Variants in DLG2 observed in about 807,000 individuals in gnomAD.
The protein encoded by DLG2 is disks large homolog 2.
Under a neutral mutation model 132.5 loss-of-function variants are expected in DLG2, and 45 were observed. The ratio of observed to expected loss-of-function variants is 0.34; its 90% CI spans 0.27 to 0.44. The LOEUF (loss-of-function observed/expected upper bound fraction) is 0.44, where lower values mean the gene tolerates loss of function less well. Among genes scored for constraint, DLG2 ranks in the 20% least tolerant of loss-of-function variants. The pLI, the probability that DLG2 is intolerant of heterozygous loss-of-function variation, is 1.00. For synonymous variants in DLG2, 424 were observed against 419.6 expected (o/e 1.01, Z -0.13); for missense variants, 1,045 against 1,196.9 (o/e 0.87, Z 1.87).
chr11:85,500,552 A>T (rs2093776283), intron 3 of DLG2, among the ~76,000 whole-genome samples: 1 of 3,962 alleles, frequency 2.5e-4, no homozygotes, highest in African/African-American at 6.9e-4. Flanking sequence ...AAAAAAAATA[A>T]AAATAAAATA....
At chr11:84,172,474 C>G (rs976738752) in intron 8 of DLG2, among the ~76,000 whole-genome samples, 2 of 152,022 alleles carry the variant, frequency 1.3e-5, no homozygotes, top group African/African-American at 4.8e-5. Context: ...ATCATAGCTT[C>G]TACCACATAA....
chr11:84,990,306 C>T (rs569464357), intron 6 of DLG2, among the ~76,000 whole-genome samples: 1 of 152,178 alleles, frequency 6.6e-6, no homozygotes, highest in African/African-American at 2.4e-5. Flanking sequence ...AAACTTAATC[C>T]CCAGTGCAAT....
At chr11:84,805,608 C>T (rs2075905303) in intron 6 of DLG2, among the ~76,000 whole-genome samples, 1 of 152,010 alleles carries the variant, frequency 6.6e-6, no homozygotes, top group Non-Finnish European at 1.5e-5. Context: ...AAGTGTGTAG[C>T]CTCCCCCCAT....
At chr11:84,640,969 A>T (rs1372108898) in intron 6 of DLG2, among the ~76,000 whole-genome samples, 1 of 151,730 alleles carries the variant, frequency 6.6e-6, no homozygotes, top group Non-Finnish European at 1.5e-5. Context: ...AAAAAACAAA[A>T]AAAAAACAAC....
intron 8 of DLG2, among the ~76,000 whole-genome samples, chr11:84,166,639 C>T (rs560418773): frequency 1.7e-4 from 26 of 151,924 alleles, no homozygotes; most frequent in Admixed American, 1.4e-3. Context: ...ATACTTATTT[C>T]GACTTTATTT....
intron 16 of DLG2, among the ~76,000 whole-genome samples, chr11:83,851,576 G>A (rs1024664469): frequency 7.5e-5 from 11 of 146,290 alleles, no homozygotes; most frequent in Admixed American, 6.2e-4. Flanking sequence ...GCAGTGAGCG[G>A]AGATGGAGCC....
intron 6 of DLG2, among the ~76,000 whole-genome samples, chr11:85,100,443 G>T (rs1458448351): frequency 6.6e-6 from 1 of 152,012 alleles, no homozygotes; most frequent in East Asian, 1.9e-4. Flanking sequence ...ATATTGAAAG[G>T]TCATATGGCT....
At chr11:84,804,665 G>A (rs2075795171) in intron 6 of DLG2, among the ~76,000 whole-genome samples, 1 of 152,142 alleles carries the variant, frequency 6.6e-6, no homozygotes. Context: ...ACTAAAGCCT[G>A]TCTTCTTTAG....
intron 6 of DLG2, among the ~76,000 whole-genome samples, chr11:84,543,419 T>C (rs1050619286): frequency 2.0e-5 from 3 of 152,172 alleles, no homozygotes; most frequent in Non-Finnish European, 4.4e-5. Flanking sequence ...TCATAGGCTT[T>C]CAGGGCACCC....
At chr11:85,282,226 G>A (rs1418794429) in intron 4 of DLG2, among the ~76,000 whole-genome samples, 1 of 151,704 alleles carries the variant, frequency 6.6e-6, no homozygotes, top group Admixed American at 6.6e-5. Flanking sequence ...GGGCAGGGGA[G>A]AATAAAGAAG....
intron 3 of DLG2, among the ~76,000 whole-genome samples, chr11:85,499,027 C>T (rs1352503104): frequency 2.6e-5 from 4 of 151,930 alleles, no homozygotes; most frequent in African/African-American, 7.3e-5. Flanking sequence ...TAAAACATCA[C>T]AATTAAAAGA....
intron 17 of DLG2, among the ~76,000 whole-genome samples, chr11:83,824,738 G>A (rs2051994765): frequency 6.6e-6 from 1 of 152,100 alleles, no homozygotes; most frequent in Non-Finnish European, 1.5e-5. Flanking sequence ...AGTTTTGGAA[G>A]TACCACTGCG....
chr11:83,914,872 T>C (rs1330396868), intron 15 of DLG2, among the ~76,000 whole-genome samples: 1 of 152,146 alleles, frequency 6.6e-6, no homozygotes, highest in Non-Finnish European at 1.5e-5. Flanking sequence ...ATTGTAGATA[T>C]AGAGACGAGA....
At chr11:84,029,615 G>C (rs2095636608) in intron 11 of DLG2, among the ~76,000 whole-genome samples, 1 of 152,080 alleles carries the variant, frequency 6.6e-6, no homozygotes, top group Non-Finnish European at 1.5e-5. Flanking sequence ...GCATATTTGA[G>C]AAGCAATAAT....
chr11:84,741,491 A>ACAC (rs896260940), intron 6 of DLG2, among the ~76,000 whole-genome samples: 29 of 151,204 alleles, frequency 1.9e-4, no homozygotes, highest in South Asian at 4.2e-4. Context: ...TGGCAAAGTC[A>ACAC]CACCACCACC....
intron 18 of DLG2, among the ~76,000 whole-genome samples, chr11:83,736,011 A>T (rs2091848296): frequency 6.6e-6 from 1 of 152,220 alleles, no homozygotes; most frequent in Non-Finnish European, 1.5e-5. Flanking sequence ...TAGTTGCTTT[A>T]GTTGCGATTA....
At chr11:85,188,859 G>C (rs1213100023) in intron 4 of DLG2, among the ~76,000 whole-genome samples, 1 of 152,042 alleles carries the variant, frequency 6.6e-6, no homozygotes, top group East Asian at 1.9e-4. Flanking sequence ...GAGACCTCTA[G>C]GACAACATCA....
chr11:85,176,123 C>A (rs1300674872), intron 4 of DLG2, among the ~76,000 whole-genome samples: 1 of 152,096 alleles, frequency 6.6e-6, no homozygotes, highest in Non-Finnish European at 1.5e-5. Context: ...TTTTAAAATT[C>A]ATGTGGAACC....
rs1426399909 is a variant in DLG2 at position 83,687,865 on chromosome 11, G to A, written c.1826-54540C>T. Among the ~76,000 whole-genome samples the A allele has an allele frequency of 2.0e-5, 3 of 152,062 alleles. No individual in the cohort carries two copies. In the South Asian group the frequency reaches 6.2e-4, roughly 32 times the overall value. ...CAAACAAAAAATACCAGCTGGTCATGATGGCATACATCTGAAGTCCCAGCT... is the reference window on the plus strand; with the variant it reads ...CAAACAAAAAATACCAGCTGGTCATAATGGCATACATCTGAAGTCCCAGCT... On this transcript the variant is annotated intron_variant, in intron 18 of 27. Transcript: ENST00000376104.
Sources: gnomAD v4.1 joint callset for allele counts (sites outside exome capture counted in the v4.1 genomes callset) on GRCh38, gnomAD v4.1.1 for gene constraint, MANE v1.5 for transcripts, NCBI Gene and HGNC (gene_info 2026-07-23, HGNC 2026-07-21) for gene names.